The following RASGRP3 variants were observed in gnomAD, a reference collection of about 807,000 sequenced individuals.
The protein encoded by RASGRP3 is RAS guanyl releasing protein 3, also known as ras guanyl-releasing protein 3.
Under a neutral mutation model 82.7 loss-of-function variants are expected in RASGRP3, and 54 were observed. The ratio of observed to expected loss-of-function variants is 0.65; its 90% CI spans 0.52 to 0.82. RASGRP3 has a LOEUF of 0.82. Ranked by LOEUF, RASGRP3 falls within the 40% of genes least tolerant of loss-of-function variation. RASGRP3 has a pLI of 0.00. For missense variants in RASGRP3, 861 were observed against 828.9 expected (o/e 1.04, Z -0.48); for synonymous variants, 309 against 300.5 (o/e 1.03, Z -0.29).
chr2:33,494,061 C>G (rs1558441947), intron 1 of RASGRP3, among the ~76,000 whole-genome samples: 1 of 152,136 alleles, frequency 6.6e-6, no homozygotes, highest in Non-Finnish European at 1.5e-5. Flanking sequence ...GAATATTTTC[C>G]TTTCTTTTAC....
intron 1 of RASGRP3, among the ~76,000 whole-genome samples, chr2:33,508,171 TG>T (rs1184005364): frequency 6.6e-6 from 1 of 152,092 alleles, no homozygotes; most frequent in African/African-American, 2.4e-5. Flanking sequence ...AACAAGTTTG[TG>T]GGAGGAAAAT....
At chr2:33,457,789 A>T (rs1015193792) in intron 2 of RASGRP3, among the ~76,000 whole-genome samples, 4 of 152,146 alleles carry the variant, frequency 2.6e-5, no homozygotes, top group African/African-American at 9.7e-5. Flanking sequence ...CCTGGTGGGC[A>T]GTGTTCTTAA....
chr2:33,547,802 G>A (rs560159347), intron 13 of RASGRP3, among the ~76,000 whole-genome samples: 6 of 152,260 alleles, frequency 3.9e-5, no homozygotes, highest in Non-Finnish European at 5.9e-5. Flanking sequence ...AAAGGAGTCA[G>A]AGGGCCCTGC....
At chr2:33,555,440 T>C (rs1415553578) in intron 14 of RASGRP3, 91 bp from the exon 15 acceptor site, 5 of 1,188,132 alleles carry the variant, frequency 4.2e-6, no homozygotes, top group Middle Eastern at 1.9e-4. Flanking sequence ...TGGCCAGTCC[T>C]GAAGCTTCCC....
chr2:33,532,942 G>T (rs1215394810), intron 10 of RASGRP3: 1 of 152,160 alleles, frequency 6.6e-6, no homozygotes, highest in East Asian at 1.9e-4. Flanking sequence ...AGTAGAACAG[G>T]AAAAGGAATC....
chr2:33,527,758 T>G (rs1672725966), intron 10 of RASGRP3, among the ~76,000 whole-genome samples: 2 of 152,178 alleles, frequency 1.3e-5, no homozygotes, highest in South Asian at 4.1e-4. Context: ...CCTCCAGTCA[T>G]CTGCTCCTCT....
At chr2:33,440,890 G>T (rs1174999419) in intron 1 of RASGRP3, among the ~76,000 whole-genome samples, 1 of 150,738 alleles carries the variant, frequency 6.6e-6, no homozygotes, top group Non-Finnish European at 1.5e-5. Context: ...CTCCAAACTT[G>T]TTTTTTTTTC....
At chr2:33,474,739 C>T (rs568597306), upstream of RASGRP3, among the ~76,000 whole-genome samples, 4 of 152,302 alleles carry the variant, frequency 2.6e-5, no homozygotes, top group African/African-American at 7.2e-5. Context: ...CCCCAGAAGC[C>T]GAACAGATGC....
intron 10 of RASGRP3, among the ~76,000 whole-genome samples, chr2:33,531,113 G>T (rs964208562): frequency 1.3e-5 from 2 of 152,212 alleles, no homozygotes; most frequent in East Asian, 3.8e-4. Flanking sequence ...AGTAGAGGCA[G>T]TCTGATGTCC....
intron 1 of RASGRP3, among the ~76,000 whole-genome samples, chr2:33,442,223 G>A (rs568152064): frequency 1.8e-4 from 28 of 152,300 alleles, no homozygotes; most frequent in African/African-American, 6.7e-4. Context: ...ACTTAGCCAG[G>A]CGTGATGGCA....
chr2:33,523,273 C>G (rs1036579256), intron 7 of RASGRP3, among the ~76,000 whole-genome samples: 1 of 152,034 alleles, frequency 6.6e-6, no homozygotes, highest in Non-Finnish European at 1.5e-5. Context: ...ACCTTCCTGG[C>G]CAACGTGGTG....
chr2:33,515,277 G>C, intron 3 of RASGRP3, 71 bp downstream of exon 3: 1 of 1,530,950 alleles, frequency 6.5e-7, no homozygotes, highest in Non-Finnish European at 9.0e-7. Context: ...TCAGAGGCAA[G>C]TTGCTTGTAG....
intron 1 of RASGRP3, among the ~76,000 whole-genome samples, chr2:33,491,082 G>A (rs995225375): frequency 2.0e-5 from 3 of 152,154 alleles, no homozygotes; most frequent in African/African-American, 4.8e-5. Flanking sequence ...TTGGGAGGCC[G>A]AGGCAGGCGG....
chr2:33,459,564 T>A (rs77777066), intron 2 of RASGRP3, among the ~76,000 whole-genome samples: 2,010 of 151,556 alleles, frequency 0.013, 46 homozygotes, highest in African/African-American at 0.047. Context: ...TTAATCAGTT[T>A]TAACTATTAT....
chr2:33,464,435 A>G (rs890795036), intron 2 of RASGRP3, among the ~76,000 whole-genome samples: 6 of 146,192 alleles, frequency 4.1e-5, no homozygotes, highest in Non-Finnish European at 9.0e-5. Context: ...TTATTATTAT[A>G]TTTTATATCT....
At chr2:33,465,468 A>C (rs116554089) in intron 2 of RASGRP3, among the ~76,000 whole-genome samples, 1,574 of 152,330 alleles carry the variant, frequency 0.01, 27 homozygotes, top group African/African-American at 0.036. Context: ...GGCTACAGTG[A>C]GCTATGATGA....
rs1667397486 is a variant in RASGRP3 at position 33,476,678 on chromosome 2, T to C, written c.-290T>C. On this transcript the variant is annotated 5_prime_UTR_variant, in exon 1 of 18. An upstream start codon of the reference 5' UTR is lost. Transcript: ENST00000403687. ...GGCAGCTGGACAGGCAGAGTGCTGA[T>C]GTGAAAAATACCACGACAAAACCAC... 2.0e-5 allele frequency: 3 copies of C among 152,080 alleles called. No individual in the cohort carries two copies. The allele number at this position is 152,080 out of a possible 1,614,324, so 9.4% of individuals were successfully genotyped here. A position where few individuals can be genotyped will look rare whatever the true frequency, so the allele number is the denominator to read the frequency against.
chr2:33,543,972 C>A (rs1328666794), intron 13 of RASGRP3, among the ~76,000 whole-genome samples: 1 of 152,102 alleles, frequency 6.6e-6, no homozygotes, highest in Admixed American at 6.5e-5. Flanking sequence ...CTGGGAGAGT[C>A]CTCAAAATTA....
At chr2:33,446,442 C>T (rs1665504993) in intron 1 of RASGRP3, among the ~76,000 whole-genome samples, 1 of 151,916 alleles carries the variant, frequency 6.6e-6, no homozygotes, top group Non-Finnish European at 1.5e-5. Flanking sequence ...CAGGCGTGAG[C>T]CACCCACACC....
Sources: allele counts gnomAD v4.1 joint callset (sites outside exome capture counted in the v4.1 genomes callset), GRCh38; gene constraint gnomAD v4.1.1; transcripts MANE v1.5; gene names NCBI Gene and HGNC (gene_info 2026-07-23, HGNC 2026-07-21).